The following TSPAN7 variants were observed in gnomAD, a reference collection of about 807,000 sequenced individuals.
TSPAN7 encodes tetraspanin 7.
TSPAN7 carries 1 observed loss-of-function variant against 17.6 expected under a neutral mutation model. The ratio of observed to expected loss-of-function variants is 0.06; its 90% CI spans 0.02 to 0.27. The LOEUF is 0.27. TSPAN7 is among the 10% of genes least tolerant of loss of function. The pLI, the probability that TSPAN7 is intolerant of heterozygous loss-of-function variation, is 1.00. For synonymous variants in TSPAN7, 78 were observed against 79.0 expected (o/e 0.99, Z 0.07); for missense variants, 112 against 201.7 (o/e 0.56, Z 2.69).
At chrX:38,667,410 T>G (rs1051063299) in intron 2 of TSPAN7, among the ~76,000 whole-genome samples, 22 of 112,560 alleles carry the variant, frequency 2.0e-4, no homozygotes, top group African/African-American at 7.1e-4. Context: ...AAAATATTTA[T>G]TTCAGGCATC....
In TSPAN7 at chrX:38,563,637, A is replaced by G. The variant is rs143175255; in HGVS notation, c.81+2010A>G. Among the ~76,000 whole-genome samples the G allele has an allele frequency of 9.8e-5, 11 of 111,870 alleles. No individual in the cohort carries two copies. In the East Asian group the frequency reaches 2.5e-3, roughly 26 times the overall value. On this transcript the variant is annotated intron_variant, in intron 1 of 7. Transcript: ENST00000378482. ...CTCTCCTTGCTTACATTCCACCCCT[A>G]TGAATCTAATTACTTAATGCCCCCA...
At chrX:38,607,354 T>G (rs1274817613) in intron 1 of TSPAN7, among the ~76,000 whole-genome samples, 3 of 111,573 alleles carry the variant, frequency 2.7e-5, no homozygotes, top group Non-Finnish European at 5.7e-5. Context: ...AGAAAAATAG[T>G]GTAGCTTTAT....
intron 1 of TSPAN7, among the ~76,000 whole-genome samples, chrX:38,573,134 A>G (rs1429790480): frequency 8.9e-6 from 1 of 111,918 alleles, no homozygotes; most frequent in Non-Finnish European, 1.9e-5. Context: ...CTTAGGGTGT[A>G]AAGTGTTTCT....
chrX:38,607,004 C>T (rs2069387768), intron 1 of TSPAN7, among the ~76,000 whole-genome samples: 1 of 111,442 alleles, frequency 9.0e-6, no homozygotes, highest in Non-Finnish European at 1.9e-5. Flanking sequence ...AGATAAGGGA[C>T]TCTAGTTCTT....
chrX:38,663,152 TACACACAC>T (rs56867751), intron 1 of TSPAN7, among the ~76,000 whole-genome samples: 227 of 101,110 alleles, frequency 2.2e-3, no homozygotes, highest in Non-Finnish European at 3.1e-3. Flanking sequence ...ATGTGGTGTA[TACACACAC>T]ACACACACAC....
chrX:38,611,545 G>A (rs1350869881), intron 1 of TSPAN7, among the ~76,000 whole-genome samples: 2 of 111,471 alleles, frequency 1.8e-5, no homozygotes, highest in Non-Finnish European at 3.8e-5. Flanking sequence ...TAATTACAGA[G>A]GGTCTTGTTT....
intron 1 of TSPAN7, among the ~76,000 whole-genome samples, chrX:38,647,690 T>A (rs997613162): frequency 4.5e-5 from 5 of 111,215 alleles, no homozygotes; most frequent in African/African-American, 1.6e-4. Flanking sequence ...CAGCATTGAC[T>A]GAACAGGCTT....
At chrX:38,598,058 G>C (rs1049474462) in intron 1 of TSPAN7, among the ~76,000 whole-genome samples, 4 of 111,065 alleles carry the variant, frequency 3.6e-5, no homozygotes, top group Admixed American at 1.9e-4. Context: ...CTCATTTTTT[G>C]TTGAGTCTGT....
intron 1 of TSPAN7, among the ~76,000 whole-genome samples, chrX:38,627,814 T>C (rs918401092): frequency 7.1e-5 from 8 of 113,416 alleles, no homozygotes; most frequent in African/African-American, 2.6e-4. Context: ...TGGCATATGA[T>C]GGCACAGAGT....
intron 2 of TSPAN7, among the ~76,000 whole-genome samples, chrX:38,668,358 A>G (rs935330615): frequency 3.6e-5 from 4 of 112,154 alleles, no homozygotes; most frequent in Non-Finnish European, 3.8e-5. Context: ...GTGTATAAAC[A>G]ATGGAATAGT....
chrX:38,584,125 T>C (rs1411177862), intron 1 of TSPAN7, among the ~76,000 whole-genome samples: 2 of 108,508 alleles, frequency 1.8e-5, no homozygotes, highest in African/African-American at 6.7e-5. Flanking sequence ...AGCTAATTTT[T>C]TGTATTTTTA....
At chrX:38,667,758 C>T (rs1157614028) in intron 2 of TSPAN7, among the ~76,000 whole-genome samples, 1 of 112,302 alleles carries the variant, frequency 8.9e-6, no homozygotes, top group Non-Finnish European at 1.9e-5. Context: ...GCACTCTATT[C>T]TAACACCCTG....
intron 1 of TSPAN7, among the ~76,000 whole-genome samples, chrX:38,626,830 G>T (rs886821987): frequency 9.0e-6 from 1 of 110,979 alleles, no homozygotes; most frequent in Non-Finnish European, 1.9e-5. Context: ...CAGATTTGGT[G>T]GGGGGGTGCC....
intron 1 of TSPAN7, among the ~76,000 whole-genome samples, chrX:38,649,623 G>A (rs1376046330): frequency 3.6e-5 from 4 of 111,369 alleles, no homozygotes; most frequent in Non-Finnish European, 7.5e-5. Context: ...CAGGCTGCTT[G>A]TGGCTACCCG....
intron 6 of TSPAN7, among the ~76,000 whole-genome samples, chrX:38,683,988 CA>C (rs2069909616): frequency 8.9e-6 from 1 of 112,717 alleles, no homozygotes; most frequent in Non-Finnish European, 1.9e-5. Context: ...ACAGAGAGGA[CA>C]AAGTAGGTAG....
intron 1 of TSPAN7, among the ~76,000 whole-genome samples, chrX:38,590,961 G>A (rs1037591837): frequency 1.8e-5 from 2 of 111,104 alleles, no homozygotes; most frequent in Non-Finnish European, 3.8e-5. Flanking sequence ...TATCAAGTTT[G>A]ATTTTCTCAA....
chrX:38,637,165 T>G (rs1471944724), intron 1 of TSPAN7, among the ~76,000 whole-genome samples: 1 of 112,181 alleles, frequency 8.9e-6, no homozygotes, highest in Non-Finnish European at 1.9e-5. Flanking sequence ...GGATTTCAGC[T>G]TACTGCTGCT....
chrX:38,646,173 A>G (rs2069645032), intron 1 of TSPAN7: 1 of 889,769 alleles, frequency 1.1e-6, no homozygotes, highest in African/African-American at 2.0e-5. Context: ...AATACATTAA[A>G]ACTCTGGAAA....
At chrX:38,591,174 A>T (rs1444184353) in intron 1 of TSPAN7, among the ~76,000 whole-genome samples, 1 of 110,902 alleles carries the variant, frequency 9.0e-6, no homozygotes, top group Admixed American at 9.6e-5. Flanking sequence ...AATGCTATAA[A>T]TTTTTCCCTA....
Sources: allele counts gnomAD v4.1 joint callset (sites outside exome capture counted in the v4.1 genomes callset), GRCh38; gene constraint gnomAD v4.1.1; transcripts MANE v1.5; gene names NCBI Gene and HGNC (gene_info 2026-07-23, HGNC 2026-07-21).